Variants in PTPRD observed in about 807,000 individuals in gnomAD.
PTPRD encodes protein tyrosine phosphatase receptor type D.
PTPRD carries 34 observed loss-of-function variants against 214.5 expected under a neutral mutation model. The observed-to-expected ratio is 0.16, with a 90% confidence interval of 0.12 to 0.21. PTPRD has a LOEUF of 0.21. Among genes scored for constraint, PTPRD ranks in the 10% least tolerant of loss-of-function variants. The pLI, the probability that PTPRD is intolerant of heterozygous loss-of-function variation, is 1.00. For synonymous variants in PTPRD, 1,128 were observed against 845.7 expected, an observed-to-expected ratio of 1.33 and a Z score of -5.79; for missense variants, 2,545 against 2,398.7, an observed-to-expected ratio of 1.06 and a Z score of -1.27.
At chr9:8,624,980 T>C (rs1338800473) in intron 14 of PTPRD, among the ~76,000 whole-genome samples, 1 of 151,844 alleles carries the variant, frequency 6.6e-6, no homozygotes, top group Non-Finnish European at 1.5e-5. Flanking sequence ...TACATAACCA[T>C]ATCTATAGAT....
intron 39 of PTPRD, among the ~76,000 whole-genome samples, chr9:8,374,512 C>A (rs986175780): frequency 3.9e-5 from 6 of 152,022 alleles, no homozygotes; most frequent in Non-Finnish European, 8.8e-5. Context: ...GGCCAGTCCT[C>A]AAAGGACCCT....
At chr9:10,459,819 G>C (rs969007319) in intron 2 of PTPRD, among the ~76,000 whole-genome samples, 14 of 151,902 alleles carry the variant, frequency 9.2e-5, no homozygotes, top group African/African-American at 2.7e-4. Context: ...CAGATGGATA[G>C]ATTGCAAAAT....
At chr9:9,263,907 CT>C (rs1442372413) in intron 9 of PTPRD, among the ~76,000 whole-genome samples, 1 of 151,418 alleles carries the variant, frequency 6.6e-6, no homozygotes, top group Non-Finnish European at 1.5e-5. Flanking sequence ...TATCAATCCC[CT>C]GTAATTAAAA....
At chr9:9,259,839 C>G (rs2099979320) in intron 9 of PTPRD, among the ~76,000 whole-genome samples, 1 of 151,776 alleles carries the variant, frequency 6.6e-6, no homozygotes, top group Admixed American at 6.6e-5. Context: ...ACCTAAGGTC[C>G]CAACAAAGGG....
At chr9:9,267,300 TAGC>T (rs1940369338) in intron 9 of PTPRD, among the ~76,000 whole-genome samples, 1 of 151,270 alleles carries the variant, frequency 6.6e-6, no homozygotes, top group Non-Finnish European at 1.5e-5. Context: ...ATTGGTAACC[TAGC>T]ATAAATGGAT....
intron 39 of PTPRD, among the ~76,000 whole-genome samples, chr9:8,368,404 G>T (rs1052037452): frequency 6.6e-6 from 1 of 152,156 alleles, no homozygotes; most frequent in Non-Finnish European, 1.5e-5. Context: ...CTATTCTTAG[G>T]CACGAAATGG....
At chr9:9,560,522 T>A (rs141426785) in intron 8 of PTPRD, among the ~76,000 whole-genome samples, 1 of 152,170 alleles carries the variant, frequency 6.6e-6, no homozygotes, top group Non-Finnish European at 1.5e-5. Context: ...CATGTTTCCA[T>A]TGAGGCTCAT....
At chr9:10,286,112 A>T (rs924817673) in intron 3 of PTPRD, among the ~76,000 whole-genome samples, 1 of 152,234 alleles carries the variant, frequency 6.6e-6, no homozygotes, top group African/African-American at 2.4e-5. Context: ...AAATCCATAC[A>T]TAACAATTAT....
chr9:10,598,711 G>GTGGTGTGTGGT (rs57068953), intron 2 of PTPRD, among the ~76,000 whole-genome samples: 3,929 of 137,032 alleles, frequency 0.029, 118 homozygotes, highest in East Asian at 0.12. Flanking sequence ...TGTGGTGTGT[G>GTGGTGTGTGGT]GTGTGTGTGT....
rs1158039244 is a variant in PTPRD, at chr9:9,123,222, T to A, written c.-143+60082A>T. 6.6e-5 allele frequency among the ~76,000 whole-genome samples: 10 copies of A among 152,320 alleles called. No individual in the cohort carries two copies. In the South Asian group the frequency reaches 1.9e-3, roughly 28 times the overall value. ...CATGCAGTCATGGCCTCATGCCATC[T>A]GTGCCATGTCACTCCAACTCAGGTA... On this transcript the variant is annotated intron_variant, in intron 10 of 45. Transcript: ENST00000381196.
chr9:8,765,512 G>T (rs947020599), intron 11 of PTPRD, among the ~76,000 whole-genome samples: 3 of 152,078 alleles, frequency 2.0e-5, no homozygotes, highest in Admixed American at 6.5e-5. Flanking sequence ...TTAGAAGCGG[G>T]TATTATCAGT....
intron 5 of PTPRD, among the ~76,000 whole-genome samples, chr9:9,839,018 T>C (rs998214654): frequency 6.6e-6 from 1 of 152,114 alleles, no homozygotes; most frequent in African/African-American, 2.4e-5. Context: ...ATTTATTAAA[T>C]AGGGAATCCT....
chr9:9,499,851 T>C (rs1434016938), intron 8 of PTPRD, among the ~76,000 whole-genome samples: 1 of 152,070 alleles, frequency 6.6e-6, no homozygotes, highest in East Asian at 1.9e-4. Context: ...AAGAGACTAA[T>C]GAATTATAGT....
intron 39 of PTPRD, among the ~76,000 whole-genome samples, chr9:8,369,565 A>G (rs2080913905): frequency 6.6e-6 from 1 of 151,404 alleles, no homozygotes; most frequent in Non-Finnish European, 1.5e-5. Flanking sequence ...GAGTGGTTTG[A>G]TTCTATGATT....
In PTPRD at chr9:8,531,540, G is replaced by T. The variant is rs533116758; in HGVS notation, c.353-2761C>A. Among the ~76,000 whole-genome samples, 6 of 152,148 alleles carry T rather than the reference G, an allele frequency of 3.9e-5. No homozygotes were observed. In the East Asian group the frequency reaches 9.7e-4, roughly 25 times the overall value. ...ACCGCCTTCATAAAAATGAGTTTCT[G>T]AAAAAGCTCTTAGATTTTGTTGTTG... is the stretch of plus-strand genomic sequence containing the variant. On this transcript the variant is annotated intron_variant, in intron 14 of 45. Transcript: ENST00000381196.
At chr9:10,262,733 T>C (rs1157786946) in intron 3 of PTPRD, among the ~76,000 whole-genome samples, 1 of 152,138 alleles carries the variant, frequency 6.6e-6, no homozygotes, top group East Asian at 1.9e-4. Context: ...AAGCCAAAGG[T>C]GATAGATTTT....
chr9:8,562,843 TTTTC>T (rs2086967035), intron 14 of PTPRD, among the ~76,000 whole-genome samples: 2 of 151,120 alleles, frequency 1.3e-5, no homozygotes, highest in Non-Finnish European at 2.9e-5. Context: ...TCTGCAAAGA[TTTTC>T]TTTTTTTTTT....
intron 4 of PTPRD, among the ~76,000 whole-genome samples, chr9:9,985,195 C>T (rs777242376): frequency 1.3e-5 from 2 of 152,198 alleles, no homozygotes; most frequent in Non-Finnish European, 2.9e-5. Flanking sequence ...TGAACCCCAG[C>T]CTTGAGAAGG....
chr9:9,801,279 C>T (rs1298572831), intron 5 of PTPRD, among the ~76,000 whole-genome samples: 1 of 151,846 alleles, frequency 6.6e-6, no homozygotes, highest in Non-Finnish European at 1.5e-5. Context: ...AAGCTACTAG[C>T]TTTAAGCTGA....
Sources: gnomAD v4.1 joint callset for allele counts (sites outside exome capture counted in the v4.1 genomes callset) on GRCh38, gnomAD v4.1.1 for gene constraint, MANE v1.5 for transcripts, NCBI Gene and HGNC (gene_info 2026-07-23, HGNC 2026-07-21) for gene names.